The following FBRSL1 variants were observed in gnomAD, a reference collection of about 807,000 sequenced individuals.
FBRSL1 encodes the protein fibrosin like 1.
FBRSL1 carries 51 observed loss-of-function variants against 89.6 expected under a neutral mutation model. The ratio of observed to expected loss-of-function variants is 0.57; its 90% CI spans 0.45 to 0.72. The LOEUF is 0.72. Among genes scored for constraint, FBRSL1 ranks in the 30% least tolerant of loss-of-function variants. FBRSL1 has a pLI of 0.00. For synonymous variants in FBRSL1, 779 were observed against 681.1 expected (o/e 1.14, Z -2.24); for missense variants, 1,618 against 1,451.8 (o/e 1.11, Z -1.86).
chr12:132,510,464 C>G (rs954671986), intron 2 of FBRSL1: 63 of 1,231,968 alleles, frequency 5.1e-5, no homozygotes, highest in Admixed American at 1.3e-4. Flanking sequence ...AGGCACCTCC[C>G]CATATGGGTT....
chr12:132,578,383 G>A (rs962538762), intron 15 of FBRSL1, among the ~76,000 whole-genome samples: 50 of 44,696 alleles, frequency 1.1e-3, no homozygotes, highest in Non-Finnish European at 1.7e-3. Flanking sequence ...ATAGAGAAAA[G>A]ATATTTGCCA....
intron 1 of FBRSL1, among the ~76,000 whole-genome samples, chr12:132,504,859 G>A (rs1367391147): frequency 6.6e-6 from 1 of 152,028 alleles, no homozygotes; most frequent in African/African-American, 2.4e-5. Flanking sequence ...GCCAGGCACG[G>A]TGGCTCACGC....
At chr12:132,576,570 C>T (rs2040396159) in intron 14 of FBRSL1, among the ~76,000 whole-genome samples, 1 of 152,196 alleles carries the variant, frequency 6.6e-6, no homozygotes, top group African/African-American at 2.4e-5. Flanking sequence ...TGCCATGTGC[C>T]AAGTACGTAC....
chr12:132,525,670 G>A, intron 2 of FBRSL1, 64 bp from the exon 3 acceptor site: 4 of 1,394,472 alleles, frequency 2.9e-6, no homozygotes, highest in South Asian at 2.5e-5. Context: ...CCCTAGCCAG[G>A]GGGCCCCGAT....
At chr12:132,567,563 GA>G in intron 6 of FBRSL1, 37 bp downstream of exon 6, 1 of 1,545,626 alleles carries the variant, frequency 6.5e-7, no homozygotes, top group Non-Finnish European at 8.8e-7. Flanking sequence ...CTGGGCCTCT[GA>G]AGAGACACAA....
chr12:132,537,224 A>G (rs2036839964), intron 4 of FBRSL1, among the ~76,000 whole-genome samples: 1 of 152,158 alleles, frequency 6.6e-6, no homozygotes, highest in South Asian at 2.1e-4. Context: ...GTGGCCAGGG[A>G]CATGTACTTA....
At chr12:132,538,583 C>T (rs886482576) in intron 4 of FBRSL1, among the ~76,000 whole-genome samples, 27 of 152,338 alleles carry the variant, frequency 1.8e-4, no homozygotes, top group African/African-American at 6.3e-4. Flanking sequence ...CCGGGAGGCA[C>T]CCTCGCAGGC....
At position 132,581,499 on chromosome 12, in the gene FBRSL1, C is replaced by T. The variant is rs1251085748; in HGVS notation, c.1895C>T (p.Pro632Leu). Reference sequence around the variant, plus strand: ...TCAGCCCATCCTGGCAGCTTCCTGCCCACTGGCCCCCTGACAGGTGGGTGT... The same window carrying T: ...TCAGCCCATCCTGGCAGCTTCCTGCTCACTGGCCCCCTGACAGGTGGGTGT... ...GPSAHPGSFL[P>L]TGPLTDPFSR... Residue 632 changes from proline to leucine, a missense_variant, in exon 16 of 19, where the codon CCC becomes CTC. By Grantham distance (98) the Pro-to-Leu change is moderately conservative. Transcript: ENST00000680143. 1.9e-6 allele frequency: 3 copies of T among 1,551,090 alleles called. No individual in the cohort carries two copies. The highest frequency in any genetic ancestry group is 1.7e-6 in the Non-Finnish European group (2 of 1,146,936).
intron 5 of FBRSL1, among the ~76,000 whole-genome samples, chr12:132,550,398 G>A (rs901291938): frequency 2.6e-5 from 4 of 152,184 alleles, no homozygotes; most frequent in Non-Finnish European, 5.9e-5. Context: ...AGGTCTGAGC[G>A]CCGGCGCACA....
chr12:132,523,557 T>C (rs573629660), intron 2 of FBRSL1, among the ~76,000 whole-genome samples: 10 of 152,220 alleles, frequency 6.6e-5, no homozygotes, highest in African/African-American at 9.6e-5. Context: ...CTCAGCTGTG[T>C]GGGTGTTTCC....
chr12:132,543,164 C>T (rs1269068802), intron 4 of FBRSL1, among the ~76,000 whole-genome samples: 2 of 152,196 alleles, frequency 1.3e-5, no homozygotes, highest in East Asian at 3.9e-4. Flanking sequence ...TGGCAGCTCC[C>T]ATTTATGAAG....
intron 9 of FBRSL1, 155 bp downstream of exon 9, chr12:132,571,386 G>A (rs772995564): frequency 1.2e-5 from 19 of 1,550,580 alleles, no homozygotes; most frequent in Non-Finnish European, 1.4e-5. Context: ...CCCTGGGCCC[G>A]GGGGCTCTGC....
At chr12:132,565,012 C>T (rs1363002403) in intron 5 of FBRSL1, 1 of 152,216 alleles carries the variant, frequency 6.6e-6, no homozygotes, top group Non-Finnish European at 1.5e-5. Flanking sequence ...ATCGTTTTAA[C>T]CCTAAGAGTC....
In FBRSL1 at chr12:132,583,866, A is replaced by G; in HGVS notation, c.*88A>G. On this transcript the variant is annotated 3_prime_UTR_variant, in exon 19 of 19. Coordinates refer to ENST00000680143, the MANE Select transcript of FBRSL1 (RefSeq NM_001367871.1). ...TAGAACTCAAGCACAGCTCCCGCCG[A>G]TCCTGGGGCGGCGCCGCCTCTCCAC... The G allele has an allele frequency of 6.3e-6, 5 of 788,376 alleles. No individual in the cohort carries two copies. Among genetic ancestry groups the G allele is most frequent in the Non-Finnish European group, 6.5e-6 (4 of 618,458 alleles). 48.8% of individuals were successfully genotyped at this position (788,376 alleles called of 1,614,324 possible).
chr12:132,507,155 G>A (rs564258545), intron 1 of FBRSL1: 36 of 978,646 alleles, frequency 3.7e-5, no homozygotes, highest in Admixed American at 6.2e-5. Flanking sequence ...GTGGCCCTCC[G>A]TGGGGGCGGA....
intron 4 of FBRSL1, among the ~76,000 whole-genome samples, chr12:132,536,540 TATGTGTACATGACAGTGTGTGTGCC>T (rs1366753859): frequency 6.6e-6 from 1 of 150,588 alleles, no homozygotes; most frequent in African/African-American, 2.5e-5. Context: ...TGGTGTGTGC[TATGTGTACATGACAGTGTGTGTGCC>T]ATGTGTACAT....
At chr12:132,565,472 CGA>C (rs1201808281) in intron 5 of FBRSL1, 1 of 152,258 alleles carries the variant, frequency 6.6e-6, no homozygotes, top group African/African-American at 2.4e-5. Context: ...TACGTGAACC[CGA>C]GTGTGCCCAC....
intron 14 of FBRSL1, among the ~76,000 whole-genome samples, 162 bp downstream of exon 14, chr12:132,574,726 C>T (rs915835050): frequency 6.6e-6 from 1 of 152,056 alleles, no homozygotes; most frequent in Non-Finnish European, 1.5e-5. Flanking sequence ...GGGCTTTTAC[C>T]GTAAGCAGGT....
intron 15 of FBRSL1, among the ~76,000 whole-genome samples, chr12:132,579,077 G>A (rs1417662169): frequency 6.6e-6 from 1 of 151,098 alleles, no homozygotes; most frequent in Non-Finnish European, 1.5e-5. Flanking sequence ...CTGGATACCT[G>A]GTGGCTGTCC....
Sources: gnomAD v4.1 joint callset for allele counts (sites outside exome capture counted in the v4.1 genomes callset) on GRCh38, gnomAD v4.1.1 for gene constraint, MANE v1.5 for transcripts, NCBI Gene and HGNC (gene_info 2026-07-23, HGNC 2026-07-21) for gene names.